Variants in OC90 observed in about 807,000 individuals in gnomAD.
OC90 encodes otoconin 90.
A neutral mutation model predicts 47.3 loss-of-function variants in OC90; 46 were observed. The ratio of observed to expected loss-of-function variants is 0.97; its 90% confidence interval spans 0.77 to 1.24. OC90 has a LOEUF of 1.24. Ranked by LOEUF, OC90 falls within the 50% of genes most tolerant of loss-of-function variation. OC90 has a pLI of 0.00. For synonymous variants in OC90, 271 were observed against 219.5 expected, an observed-to-expected ratio of 1.23 and a Z score of -2.07; for missense variants, 688 against 583.9, an observed-to-expected ratio of 1.18 and a Z score of -1.84.
intron 10 of OC90, 55 bp downstream of exon 10, chr8:132,034,726 G>A: frequency 8.0e-7 from 1 of 1,244,996 alleles, no homozygotes; most frequent in South Asian, 1.3e-5. Context: ...ATGTGTCAAG[G>A]ACAAAGGACA....
In OC90 at chr8:132,031,864, C is replaced by A; in HGVS notation, c.1031+17G>T. 6.2e-7 allele frequency: 1 copy of A among 1,611,038 alleles called. No homozygotes were observed. The highest frequency in any genetic ancestry group is 8.5e-7 in the Non-Finnish European group (1 of 1,177,970). ...CAGCACTACTACACCAGAGCTGTCA[C>A]CGCTGGCTCTCCATACCTGTCTAGG... is the stretch of plus-strand genomic sequence containing the variant. On this transcript the variant is annotated intron_variant, in intron 12 of 13. Coordinates refer to ENST00000254627, the MANE Select transcript of OC90 (RefSeq NM_001080399.3).
At chr8:132,053,132 G>A (rs4736537) in intron 2 of OC90, among the ~76,000 whole-genome samples, 10,054 of 152,030 alleles carry the variant, frequency 0.066, 562 homozygotes, top group East Asian at 0.23. Context: ...ACATTTTATG[G>A]TTCCATTCAA....
chr8:132,045,662 T>C (rs1016721267), intron 3 of OC90, among the ~76,000 whole-genome samples, 156 bp downstream of exon 3: 1 of 152,218 alleles, frequency 6.6e-6, no homozygotes, highest in Non-Finnish European at 1.5e-5. Context: ...GGGGAGATTG[T>C]TGGGGAGATG....
intron 10 of OC90, among the ~76,000 whole-genome samples, chr8:132,034,498 C>T (rs1822924704): frequency 6.6e-6 from 1 of 152,146 alleles, no homozygotes; most frequent in Non-Finnish European, 1.5e-5. Flanking sequence ...TCTGAATAGC[C>T]AGTAGCCCTC....
intron 2 of OC90, among the ~76,000 whole-genome samples, chr8:132,052,223 A>G (rs139962596): frequency 1.3e-5 from 2 of 152,334 alleles, no homozygotes; most frequent in African/African-American, 4.8e-5. Context: ...TGTGACCTGT[A>G]AAATGTAGAC....
chr8:132,028,306 A>G (rs1310239341), intron 13 of OC90, among the ~76,000 whole-genome samples: 1 of 152,008 alleles, frequency 6.6e-6, no homozygotes, highest in African/African-American at 2.4e-5. Flanking sequence ...GATAGAGACC[A>G]TCCTGGCCAA....
intron 2 of OC90, among the ~76,000 whole-genome samples, chr8:132,054,237 T>C (rs1823252779): frequency 6.6e-6 from 1 of 152,190 alleles, no homozygotes; most frequent in African/African-American, 2.4e-5. Context: ...ACAGGACTCC[T>C]CCGGCTCCTC....
rs528792838 is a variant in OC90 at position 132,024,347 on chromosome 8, C to A, written c.*134G>T. ...GATGAGGCATGGGCAGGGCTCACGG[C>A]CTCTGTTCCCTCCCCGCCTCTGAGT... On this transcript the variant is annotated 3_prime_UTR_variant, in exon 14 of 14. Transcript: ENST00000254627. 9.4e-5 allele frequency: 67 copies of A among 710,764 alleles called. 2 individuals carry two copies. In the South Asian group the frequency reaches 1.4e-3, roughly 15 times the overall value. 44.0% of individuals were successfully genotyped at this position (710,764 alleles called of 1,614,324 possible).
chr8:132,051,907 TG>T, intron 2 of OC90, among the ~76,000 whole-genome samples: 1 of 152,230 alleles, frequency 6.6e-6, no homozygotes, highest in East Asian at 1.9e-4. Flanking sequence ...AAATTTTTTT[TG>T]AAATGTTAAT....
chr8:132,024,527 C>A lies in OC90; in HGVS notation c.1388G>T (p.Arg463Leu). 1 of 1,594,366 alleles carries A rather than the reference C, an allele frequency of 6.3e-7. No homozygotes were observed. The highest frequency in any genetic ancestry group is 8.6e-7 in the Non-Finnish European group (1 of 1,167,342). Reference protein sequence around the residue: ...EDLGRAKRFLRKSLGPLGIGP... With the variant: ...EDLGRAKRFLLKSLGPLGIGP... Reference sequence around the variant, plus strand: ...GATCCCCAAGGGACCCAGTGACTTCCGCAGAAACCTCTTGGCTCTGCCGAG... The same window carrying A: ...GATCCCCAAGGGACCCAGTGACTTCAGCAGAAACCTCTTGGCTCTGCCGAG... The change falls in exon 14 of 14, where the codon CGG becomes CTG. Residue 463 changes from arginine (R) to leucine (L), a missense_variant. Transcript: ENST00000254627.
At chr8:132,056,195 C>T (rs1292774034) in intron 1 of OC90, among the ~76,000 whole-genome samples, 1 of 152,114 alleles carries the variant, frequency 6.6e-6, no homozygotes, top group African/African-American at 2.4e-5. Context: ...GAAGCTTGTC[C>T]TCTGCAGTGT....
intron 2 of OC90, among the ~76,000 whole-genome samples, chr8:132,046,542 C>A (rs1307677857): frequency 6.6e-6 from 1 of 152,142 alleles, no homozygotes; most frequent in Non-Finnish European, 1.5e-5. Flanking sequence ...CACCTTCAGC[C>A]AAGACTTCAT....
chr8:132,041,305 G>A, intron 5 of OC90, 149 bp from the exon 6 acceptor site: 1 of 657,466 alleles, frequency 1.5e-6, no homozygotes, highest in South Asian at 1.9e-5. Flanking sequence ...TTGCATAACA[G>A]ACATAACATA....
chr8:132,041,590 G>A lies in OC90; in HGVS notation c.279C>T (p.Asp93=). The A allele has an allele frequency of 6.2e-7, 1 of 1,613,356 alleles. No homozygotes were observed. ...TGCAGGTGCAACCATAGTCTTCAAA[G>A]TCTCGGGGGCAGAGACCAGCCACAC... ...MKCVAGLCPR[D]FEDYGCTCRF... Residue 93 remains aspartate, a synonymous_variant, in exon 5 of 14, where the codon GAC becomes GAT. Transcript: ENST00000254627.
chr8:132,034,771 G>A lies in OC90; in HGVS notation c.733+10C>T, dbSNP rs769604513. The A allele has an allele frequency of 1.2e-6, 2 of 1,601,240 alleles. No individual in the cohort carries two copies. Among genetic ancestry groups the A allele is most frequent in the Non-Finnish European group, 1.7e-6 (2 of 1,169,424 alleles). ...CATGAACATAGGCAGGTGGAGCCCA[G>A]TAGGCTTACCTGGAGGGGACGTAGC... On this transcript the variant is annotated intron_variant, in intron 10 of 13. Transcript: ENST00000254627.
chr8:132,048,916 T>G (rs1823175266), intron 2 of OC90, among the ~76,000 whole-genome samples: 2 of 151,548 alleles, frequency 1.3e-5, no homozygotes, highest in African/African-American at 4.9e-5. Flanking sequence ...GCAGGGGGCC[T>G]GAGGCTGAGG....
intron 9 of OC90, chr8:132,036,509 G>C (rs1462243713): frequency 2.6e-6 from 2 of 769,760 alleles, no homozygotes; most frequent in African/African-American, 3.4e-5. Context: ...GAGGATGTAA[G>C]AGAGGAGGCT....
At chr8:132,050,785 G>A (rs917153682) in intron 2 of OC90, among the ~76,000 whole-genome samples, 10 of 152,272 alleles carry the variant, frequency 6.6e-5, no homozygotes, top group Admixed American at 5.2e-4. Flanking sequence ...CAGATCACCT[G>A]AGGTTGGGAG....
intron 13 of OC90, 29 bp from the exon 14 acceptor site, chr8:132,024,805 A>G (rs2130847536): frequency 6.3e-7 from 1 of 1,585,148 alleles, no homozygotes; most frequent in South Asian, 1.2e-5. Flanking sequence ...AGTAGAAGCC[A>G]TGAGACCTCT....
Sources: gnomAD v4.1 joint callset for allele counts (sites outside exome capture counted in the v4.1 genomes callset) on GRCh38, gnomAD v4.1.1 for gene constraint, MANE v1.5 for transcripts, NCBI Gene and HGNC (gene_info 2026-07-23, HGNC 2026-07-21) for gene names.